The following KIF11 variants were observed in gnomAD, a reference collection of about 807,000 sequenced individuals.
The protein encoded by KIF11 is kinesin family member 11, also known as kinesin-like protein KIF11.
In KIF11, 9 loss-of-function variants were observed where a neutral mutation model predicts 121.0. The observed-to-expected ratio is 0.07, with a 90% CI of 0.04 to 0.13. The LOEUF (loss-of-function observed/expected upper bound fraction) is 0.13, where lower values mean the gene tolerates loss of function less well. Among genes scored for constraint, KIF11 ranks in the 10% least tolerant of loss-of-function variants. The probability of loss-of-function intolerance (pLI) is 1.00; values close to 1 mark genes in which losing one functional copy is unlikely to be tolerated. For missense variants in KIF11, 846 were observed against 1,217.5 expected (o/e 0.69, Z 4.54); for synonymous variants, 408 against 421.0 (o/e 0.97, Z 0.38).
At chr10:92,597,960 T>C (rs985859341) in intron 1 of KIF11, among the ~76,000 whole-genome samples, 2 of 152,020 alleles carry the variant, frequency 1.3e-5, no homozygotes, top group Non-Finnish European at 2.9e-5. Context: ...ATTTTTTTTT[T>C]CTCCCCTTTA....
intron 14 of KIF11, among the ~76,000 whole-genome samples, chr10:92,634,143 C>A (rs1438183734): frequency 6.6e-6 from 1 of 151,942 alleles, no homozygotes; most frequent in Non-Finnish European, 1.5e-5. Context: ...ACCACCACAC[C>A]CGGCTAATTT....
chr10:92,645,571 A>G lies in KIF11; in HGVS notation c.2476A>G (p.Thr826Ala). 1 of 1,613,192 alleles carries G rather than the reference A, an allele frequency of 6.2e-7. No individual in the cohort carries two copies. ...EQRCESLNTR[T>A]VYFSEQWVSS... ...GAGATGTGAATCTCTGAACACAAGAACAGTTTATTTTTCTGAACAGTGGGT... is the reference window on the plus strand; with the variant it reads ...GAGATGTGAATCTCTGAACACAAGAGCAGTTTATTTTTCTGAACAGTGGGT... Residue 826 changes from threonine (T) to alanine (A), a missense_variant, in exon 18 of 22, where the codon ACA becomes GCA. Physicochemically the swap from Thr to Ala is moderately conservative, Grantham distance 58 (BLOSUM62 0). This residue lies in a region of KIF11 where 492 missense variants were observed against 603.4 expected (regional missense o/e 0.82). Transcript: ENST00000260731.
chr10:92,627,776 TATC>T (rs1475645311), intron 10 of KIF11, among the ~76,000 whole-genome samples: 3 of 152,208 alleles, frequency 2.0e-5, no homozygotes, highest in African/African-American at 7.2e-5. Flanking sequence ...TTCCATCAGA[TATC>T]ATTCTTTGTT....
At chr10:92,598,216 G>A (rs1844323084) in intron 1 of KIF11, among the ~76,000 whole-genome samples, 1 of 152,120 alleles carries the variant, frequency 6.6e-6, no homozygotes, top group Admixed American at 6.6e-5. Flanking sequence ...TCTTCTAAGA[G>A]TTTTATAGCT....
At chr10:92,648,731 T>C (rs945313998) in intron 19 of KIF11, among the ~76,000 whole-genome samples, 1 of 152,242 alleles carries the variant, frequency 6.6e-6, no homozygotes, top group South Asian at 2.1e-4. Context: ...GACATTTTAA[T>C]ACCACAAATA....
intron 19 of KIF11, among the ~76,000 whole-genome samples, chr10:92,649,388 C>T (rs554233741): frequency 1.3e-5 from 2 of 152,074 alleles, no homozygotes; most frequent in African/African-American, 2.4e-5. Context: ...TCGTTTGAGC[C>T]CAGGGGTTCA....
At chr10:92,631,449 C>G (rs1476360734) in intron 12 of KIF11, among the ~76,000 whole-genome samples, 3 of 149,920 alleles carry the variant, frequency 2.0e-5, no homozygotes, top group Admixed American at 6.6e-5. Context: ...GCAAGCTCCG[C>G]TTCCCGGGTT....
intron 1 of KIF11, among the ~76,000 whole-genome samples, chr10:92,605,700 G>A (rs181770921): frequency 1.3e-5 from 2 of 152,080 alleles, no homozygotes; most frequent in East Asian, 3.9e-4. Context: ...TGGTCAGGCT[G>A]GTCTCGAACT....
intron 12 of KIF11, among the ~76,000 whole-genome samples, chr10:92,631,932 C>T (rs1253063055): frequency 6.6e-6 from 1 of 151,974 alleles, no homozygotes; most frequent in African/African-American, 2.4e-5. Context: ...GCCTAGGCCT[C>T]CCAGAGCGTT....
At position 92,630,315 on chromosome 10, in the gene KIF11, C is replaced by T; in HGVS notation, c.1445C>T (p.Thr482Ile). 1.9e-6 allele frequency: 3 copies of T among 1,605,554 alleles called. No homozygotes were observed. Among genetic ancestry groups the T allele is most frequent in the Non-Finnish European group, 2.5e-6 (3 of 1,177,184 alleles). ...KLQLVKEEYI[T>I]SALESTEEKL... is the part of the protein sequence containing the mutation. ...CAACTTGTTAAAGAAGAATATATCACATCAGCTTTGGAAAGTACTGAGGAG... is the reference window on the plus strand; with the variant it reads ...CAACTTGTTAAAGAAGAATATATCATATCAGCTTTGGAAAGTACTGAGGAG... The change falls in exon 12 of 22, where the codon ACA (threonine) becomes ATA (isoleucine). Residue 482 changes from threonine (T) to isoleucine (I), a missense_variant. Physicochemically the swap from Thr to Ile is moderately conservative, Grantham distance 89 (BLOSUM62 -1). Coordinates refer to ENST00000260731, the MANE Select transcript of KIF11 (RefSeq NM_004523.4).
chr10:92,650,613 A>G lies in KIF11; in HGVS notation c.3039+96A>G, dbSNP rs900225068. 4.2e-6 allele frequency: 3 copies of G among 719,628 alleles called. No homozygotes were observed. The African/African-American group carries it at 5.3e-5, about 13-fold the overall frequency. 44.6% of individuals were successfully genotyped at this position (719,628 alleles called of 1,614,324 possible). A position where few individuals can be genotyped will look rare whatever the true frequency, so the allele number is the denominator to read the frequency against. On this transcript the variant is annotated intron_variant, in intron 21 of 21. Transcript: ENST00000260731. The stretch of plus-strand genomic sequence containing the variant: ...GTTCGTGGTGAGCAGAACAACAAAA[A>G]CCTTTCAATTATTCCTTAGGATGGC...
At chr10:92,617,389 A>G (rs943812586) in intron 9 of KIF11, among the ~76,000 whole-genome samples, 1 of 152,218 alleles carries the variant, frequency 6.6e-6, no homozygotes, top group Non-Finnish European at 1.5e-5. Context: ...TATAACATGT[A>G]TCAGTAGTTT....
rs974839529 is a variant in KIF11, at chr10:92,649,984, C to T, written c.2920C>T (p.Pro974Ser). ...AGAAAACAACAAAGAAGAGACAATTCCGGTAAATTTAAAGGATCATATTTT... is the reference window on the plus strand; with the variant it reads ...AGAAAACAACAAAGAAGAGACAATTTCGGTAAATTTAAAGGATCATATTTT... The part of the protein sequence containing the change: ...CSENNKEETI[P>S]DVDVEEAVLG... The change falls in exon 20 of 22, where the codon CCG becomes TCG. Residue 974 changes from proline to serine, a missense_variant and splice_region_variant. Physicochemically the swap from Pro to Ser is moderately conservative, Grantham distance 74 (BLOSUM62 -1). Around this residue, in one of 5 missense-constraint regions of KIF11, gnomAD observed 492 missense variants for 603.4 expected, o/e 0.82. Transcript: ENST00000260731. The T allele has an allele frequency of 1.9e-6, 3 of 1,605,138 alleles. No homozygotes were observed. In the African/African-American group the frequency reaches 4.0e-5, roughly 21 times the overall value.
chr10:92,653,274 A>T (rs1184456846), intron 21 of KIF11, among the ~76,000 whole-genome samples: 3 of 152,190 alleles, frequency 2.0e-5, no homozygotes, highest in Admixed American at 6.5e-5. Context: ...CAAGAAAAAC[A>T]GTGTACTATG....
In KIF11 at chr10:92,655,314, A is replaced by T. The variant is rs1412119315; in HGVS notation, c.*1518A>T. 1 of 152,228 alleles carries T rather than the reference A, an allele frequency of 6.6e-6. No homozygotes were observed. The highest frequency in any genetic ancestry group is 2.4e-5 in the African/African-American group (1 of 41,464). The allele number at this position is 152,228 out of a possible 1,614,324, so 9.4% of individuals were successfully genotyped here. A position where few individuals can be genotyped will look rare whatever the true frequency, so the allele number is the denominator to read the frequency against. On this transcript the variant is annotated 3_prime_UTR_variant, in exon 22 of 22. Coordinates refer to ENST00000260731, the MANE Select transcript of KIF11 (RefSeq NM_004523.4). The stretch of plus-strand genomic sequence containing the variant: ...ATGGCTATAATTTCTCTGCAAAATC[A>T]GATGTCAGCATAAGCGATGGATAAT...
In KIF11 at chr10:92,653,879, G is replaced by A; in HGVS notation, c.*83G>A. The A allele has an allele frequency of 2.4e-6, 3 of 1,257,082 alleles. No homozygotes were observed. The highest frequency in any genetic ancestry group is 2.1e-4 in the Middle Eastern group (1 of 4,826). 77.9% of individuals were successfully genotyped at this position (1,257,082 alleles called of 1,614,324 possible). On this transcript the variant is annotated 3_prime_UTR_variant, in exon 22 of 22. Transcript: ENST00000260731. ...CCCCAGAACTTGAGCCTTGTGTATA[G>A]ATTTTAAAAGAATATATATATCAGC...
intron 4 of KIF11, among the ~76,000 whole-genome samples, chr10:92,608,661 T>C (rs1373603410): frequency 6.6e-6 from 1 of 152,106 alleles, no homozygotes; most frequent in Non-Finnish European, 1.5e-5. Flanking sequence ...ATGGTCTTGA[T>C]CTCCTGACCT....
At chr10:92,628,945 A>G in intron 11 of KIF11, 50 bp downstream of exon 11, 1 of 975,348 alleles carries the variant, frequency 1.0e-6, no homozygotes, top group Non-Finnish European at 1.5e-6. Context: ...AAATATTGAA[A>G]GAAAATTTTA....
intron 8 of KIF11, among the ~76,000 whole-genome samples, chr10:92,615,842 G>GTTTTTTTTT (rs71481176): frequency 7.7e-6 from 1 of 129,976 alleles, no homozygotes; most frequent in Non-Finnish European, 1.6e-5. Context: ...GGATTTTTTT[G>GTTTTTTTTT]TTTTTTTTTT....
Sources: allele counts gnomAD v4.1 joint callset (sites outside exome capture counted in the v4.1 genomes callset), GRCh38; gene constraint gnomAD v4.1.1; regional missense constraint gnomAD v4.1.1; transcripts MANE v1.5; gene names NCBI Gene and HGNC (gene_info 2026-07-23, HGNC 2026-07-21).